The following DTX1 variants were observed in gnomAD, a reference collection of about 807,000 sequenced individuals.
The protein encoded by DTX1 is deltex E3 ubiquitin ligase 1.
Under a neutral mutation model 57.8 loss-of-function variants are expected in DTX1, and 26 were observed. The observed-to-expected ratio is 0.45, with a 90% CI of 0.33 to 0.62. The LOEUF (loss-of-function observed/expected upper bound fraction) is 0.62. Among genes scored for constraint, DTX1 ranks in the 20% least tolerant of loss-of-function variants. DTX1 has a pLI of 0.02. For missense variants in DTX1, 704 were observed against 895.3 expected, an observed-to-expected ratio of 0.79 and a Z score of 2.73; for synonymous variants, 398 against 394.1, an observed-to-expected ratio of 1.01 and a Z score of -0.12.
At position 113,095,351 on chromosome 12, in the gene DTX1, G is replaced by T; in HGVS notation, c.1575G>T (p.Lys525Asn). The T allele has an allele frequency of 1.2e-6, 2 of 1,614,214 alleles. No individual in the cohort carries two copies. The highest frequency in any genetic ancestry group is 1.7e-6 in the Non-Finnish European group (2 of 1,180,038). ...GCCCTGAGCACCCCAACCCCGGGAAGAAGTTCACCGCAAGAGGATTCCCTC... is the reference window on the plus strand; with the variant it reads ...GCCCTGAGCACCCCAACCCCGGGAATAAGTTCACCGCAAGAGGATTCCCTC... Reference protein sequence around the residue: ...IQGPEHPNPGKKFTARGFPRH... With the variant: ...IQGPEHPNPGNKFTARGFPRH... Residue 525 changes from lysine (K) to asparagine (N), a missense_variant, in exon 9 of 10, where the codon AAG becomes AAT. By Grantham distance (94) the Lys-to-Asn change is moderately conservative (BLOSUM62 0). Coordinates refer to ENST00000548759, the MANE Select transcript of DTX1 (RefSeq NM_004416.3).
rs3178412 is a variant in DTX1 at position 113,096,917 on chromosome 12, C to A, written c.1841C>A (p.Ser614Tyr). 1 of 1,612,004 alleles carries A rather than the reference C, an allele frequency of 6.2e-7. No homozygotes were observed. The highest frequency in any genetic ancestry group is 8.5e-7 in the Non-Finnish European group (1 of 1,179,910). Reference sequence around the variant, plus strand: ...GCTGAGCTCACAGCCCAGGGCGTATCCGAGGCTGCAGCCAAGGCTTGAGGC... The same window carrying A: ...GCTGAGCTCACAGCCCAGGGCGTATACGAGGCTGCAGCCAAGGCTTGAGGC... ...VLAELTAQGV[S>Y]EAAAKA Residue 614 changes from serine to tyrosine, a missense_variant, in exon 10 of 10, where the codon TCC becomes TAC. Physicochemically the swap from Ser to Tyr is moderately radical, Grantham distance 144 (BLOSUM62 -2). This residue lies in a region of DTX1 where 168 missense variants were observed against 255.6 expected (regional missense o/e 0.66). Transcript: ENST00000548759.
intron 2 of DTX1, among the ~76,000 whole-genome samples, chr12:113,064,866 T>A (rs1382896707): frequency 6.6e-6 from 1 of 152,214 alleles, no homozygotes; most frequent in African/African-American, 2.4e-5. Context: ...GTGCATGGTG[T>A]ATGCCTGGAG....
intron 2 of DTX1, among the ~76,000 whole-genome samples, chr12:113,058,688 T>A (rs1403519581): frequency 1.3e-5 from 2 of 152,218 alleles, no homozygotes; most frequent in Admixed American, 6.5e-5. Flanking sequence ...GAGCCTCAGT[T>A]TCCTCATCTG....
chr12:113,059,654 A>G (rs370644778), intron 2 of DTX1, among the ~76,000 whole-genome samples: 2 of 152,054 alleles, frequency 1.3e-5, no homozygotes, highest in East Asian at 3.9e-4. Flanking sequence ...AATCCTTGGC[A>G]TGTTTGACCC....
Position 113,093,089 on chromosome 12 carries a change from A to T in DTX1, c.942-73A>T. 1 of 1,498,910 alleles carries T rather than the reference A, an allele frequency of 6.7e-7. No homozygotes were observed. Among genetic ancestry groups the T allele is most frequent in the Non-Finnish European group, 9.1e-7 (1 of 1,100,768 alleles). The allele number at this position is 1,498,910 out of a possible 1,614,324, so 92.9% of individuals were successfully genotyped here. A position where few individuals can be genotyped will look rare whatever the true frequency, so the allele number is the denominator to read the frequency against. On this transcript the variant is annotated intron_variant, in intron 3 of 9. Transcript: ENST00000548759. The surrounding 1 kb of genome is among the most constrained non-coding windows in gnomAD (Gnocchi z 4.2). ...TGTGTGGCCCAGGAGCCAGAGACAGAAGGCAAGCCAGGTCCCCTGACGTCG... is the reference window on the plus strand; with the variant it reads ...TGTGTGGCCCAGGAGCCAGAGACAGTAGGCAAGCCAGGTCCCCTGACGTCG...
intron 5 of DTX1, 35 bp from the exon 6 acceptor site, chr12:113,094,003 G>A (rs369231642): frequency 1.2e-5 from 18 of 1,562,764 alleles, no homozygotes; most frequent in Admixed American, 5.8e-5. Flanking sequence ...ACAGACTCTG[G>A]GTACCCTCAA....
At chr12:113,074,713 G>C (rs747784366) in intron 2 of DTX1, among the ~76,000 whole-genome samples, 1 of 152,214 alleles carries the variant, frequency 6.6e-6, no homozygotes, top group African/African-American at 2.4e-5. Flanking sequence ...CTACTGCAAT[G>C]GTCCAGGCAG....
chr12:113,096,994 C>T lies in DTX1; in HGVS notation c.*55C>T. ...TTTGCCCCTGGTCCGGCAAATGCCT[C>T]CTTCGCCAGGTGTGTCCTGGTAGCC... On this transcript the variant is annotated 3_prime_UTR_variant, in exon 10 of 10. Transcript: ENST00000548759. The T allele has an allele frequency of 6.5e-7, 1 of 1,528,482 alleles. No homozygotes were observed. The allele number at this position is 1,528,482 out of a possible 1,614,324, so 94.7% of individuals were successfully genotyped here. A position where few individuals can be genotyped will look rare whatever the true frequency, so the allele number is the denominator to read the frequency against.
chr12:113,088,778 C>A (rs1438255278), intron 3 of DTX1, among the ~76,000 whole-genome samples: 1 of 152,108 alleles, frequency 6.6e-6, no homozygotes, highest in Non-Finnish European at 1.5e-5. Flanking sequence ...ACTACTTGAG[C>A]CCAGGAGGTC....
At chr12:113,074,943 AG>A (rs142743893) in intron 2 of DTX1, among the ~76,000 whole-genome samples, 4,145 of 152,284 alleles carry the variant, frequency 0.027, 105 homozygotes, top group African/African-American at 0.064. Context: ...CAGGAGGAGC[AG>A]GTTTGGGGCA....
chr12:113,072,190 G>A (rs1018221100), intron 2 of DTX1, among the ~76,000 whole-genome samples: 5 of 152,208 alleles, frequency 3.3e-5, no homozygotes, highest in African/African-American at 7.2e-5. Context: ...TAGGTTGCCC[G>A]TCTCGCTTGC....
chr12:113,060,559 C>T (rs1220041970), intron 2 of DTX1, among the ~76,000 whole-genome samples: 2 of 152,186 alleles, frequency 1.3e-5, no homozygotes, highest in African/African-American at 4.8e-5. Context: ...CATTTAAGTC[C>T]GTTCTGTTTG....
chr12:113,096,855 C>T lies in DTX1; in HGVS notation c.1779C>T (p.His593=), dbSNP rs376370338. The change falls in exon 10 of 10, where the codon CAC becomes CAT. Residue 593 remains histidine (H), a synonymous_variant. Transcript: ENST00000548759. The part of the protein sequence containing the change: ...KTEFGSNLTG[H]GYPDASYLDN... ...AGTTTGGATCCAACCTCACGGGCCA[C>T]GGCTACCCGGACGCTAGCTACCTAG... is the stretch of plus-strand genomic sequence containing the variant. 78 of 1,613,738 alleles carry T rather than the reference C, an allele frequency of 4.8e-5. 1 individual carries two copies. The highest frequency in any genetic ancestry group is 2.4e-4 in the South Asian group (22 of 91,082).
intron 3 of DTX1, among the ~76,000 whole-genome samples, chr12:113,079,564 G>T: frequency 8.7e-6 from 1 of 114,560 alleles, no homozygotes; most frequent in African/African-American, 3.3e-5. Flanking sequence ...GTTTCACTCT[G>T]TTGCCCAGGC....
intron 3 of DTX1, among the ~76,000 whole-genome samples, chr12:113,087,251 T>A (rs2044867799): frequency 6.6e-6 from 1 of 151,842 alleles, no homozygotes; most frequent in Non-Finnish European, 1.5e-5. Flanking sequence ...AAGTAAGGGG[T>A]CTAGAAGACA....
chr12:113,090,314 G>T (rs1449412041), intron 3 of DTX1, among the ~76,000 whole-genome samples: 2 of 152,098 alleles, frequency 1.3e-5, no homozygotes, highest in Admixed American at 1.3e-4. Flanking sequence ...AAGTTAGAGT[G>T]GTGACAGCTG....
chr12:113,096,664 G>A (rs1243792303), intron 9 of DTX1, 51 bp from the exon 10 acceptor site: 2 of 1,536,726 alleles, frequency 1.3e-6, no homozygotes, highest in South Asian at 1.2e-5. Flanking sequence ...CTGGTGGGCT[G>A]GAAGCTGCCT....
chr12:113,059,327 A>T (rs2136421488), intron 2 of DTX1, among the ~76,000 whole-genome samples: 1 of 152,114 alleles, frequency 6.6e-6, no homozygotes, highest in East Asian at 1.9e-4. Context: ...GATGGAGAAA[A>T]TGAGAGAATG....
chr12:113,087,762 G>C (rs2044873165), intron 3 of DTX1, among the ~76,000 whole-genome samples: 1 of 152,140 alleles, frequency 6.6e-6, no homozygotes. Flanking sequence ...CAAGGCCAAT[G>C]GGGGACCTGG....
Sources: gnomAD v4.1 joint callset for allele counts (sites outside exome capture counted in the v4.1 genomes callset) on GRCh38, gnomAD v4.1.1 for gene constraint, gnomAD v4.1.1 regional missense constraint, Gnocchi (gnomAD v3.1) non-coding constraint, MANE v1.5 for transcripts, NCBI Gene and HGNC (gene_info 2026-07-23, HGNC 2026-07-21) for gene names.